Variants in APLP2 observed in about 807,000 individuals in gnomAD.
The protein encoded by APLP2 is amyloid beta precursor like protein 2.
A neutral mutation model predicts 89.9 loss-of-function variants in APLP2; 53 were observed. The ratio of observed to expected loss-of-function variants is 0.59; its 90% CI spans 0.47 to 0.74. APLP2 has a LOEUF of 0.74. Among genes scored for constraint, APLP2 ranks in the 30% least tolerant of loss-of-function variants. The pLI, the probability that APLP2 is intolerant of heterozygous loss-of-function variation, is 0.00. For synonymous variants in APLP2, 372 were observed against 348.6 expected (o/e 1.07, Z -0.75); for missense variants, 973 against 975.9 (o/e 1.00, Z 0.04).
intron 3 of APLP2, among the ~76,000 whole-genome samples, chr11:130,111,134 T>TTA (rs904786531): frequency 3.3e-5 from 5 of 152,246 alleles, no homozygotes; most frequent in African/African-American, 1.2e-4. Flanking sequence ...GGGCCAGGGC[T>TTA]TATAGGACCT....
rs547632803 is a variant in APLP2, at chr11:130,141,760, G to C, written c.1999-159G>C. The C allele has an allele frequency of 1.0e-6, 1 of 960,228 alleles. No individual in the cohort carries two copies. The highest frequency in any genetic ancestry group is 1.7e-5 in the South Asian group (1 of 59,070). 59.5% of individuals were successfully genotyped at this position (960,228 alleles called of 1,614,324 possible). ...TCCATGGAGATTGGGAAGAGTGGGCGTTCTCCACCTGTGGGTGGTTCCCTG... is the reference window on the plus strand; with the variant it reads ...TCCATGGAGATTGGGAAGAGTGGGCCTTCTCCACCTGTGGGTGGTTCCCTG... On this transcript the variant is annotated intron_variant, in intron 15 of 16. Transcript: ENST00000338167. The surrounding 1 kb of genome is among the most constrained non-coding windows in gnomAD (Gnocchi z 4.2).
At position 130,070,092 on chromosome 11, in the gene APLP2, G is replaced by A. The variant is rs761625861; in HGVS notation, c.105+10G>A. 4 of 1,412,432 alleles carry A rather than the reference G, an allele frequency of 2.8e-6. No individual in the cohort carries two copies. Among genetic ancestry groups the A allele is most frequent in the Admixed American group, 3.0e-5 (1 of 32,796 alleles). 87.5% of individuals were successfully genotyped at this position (1,412,432 alleles called of 1,614,324 possible). On this transcript the variant is annotated intron_variant, in intron 1 of 16. Transcript: ENST00000338167. ...GGCCGGCTACATCGAGGTGGGGACC[G>A]GGCGAACGCCGGAGAGTCGTCTCCT...
rs1017621845 is a variant in APLP2, at chr11:130,070,079, C to G, written c.102C>G (p.Ile34Met). The change falls in exon 1 of 17, where the codon ATC (isoleucine) becomes ATG (methionine). Residue 34 changes from isoleucine to methionine, a missense_variant. Physicochemically the swap from Ile to Met is conservative, Grantham distance 10 (BLOSUM62 1). Coordinates refer to ENST00000338167, the MANE Select transcript of APLP2 (RefSeq NM_001142276.2). Reference sequence around the variant, plus strand: ...CTGCCTTGGCGCTGGCCGGCTACATCGAGGTGGGGACCGGGCGAACGCCGG... The same window carrying G: ...CTGCCTTGGCGCTGGCCGGCTACATGGAGGTGGGGACCGGGCGAACGCCGG... ...TAPALALAGYIEALAANAGTG... is the reference protein window; with the variant it reads ...TAPALALAGYMEALAANAGTG... The G allele has an allele frequency of 3.2e-5, 47 of 1,468,588 alleles. No homozygotes were observed. Among genetic ancestry groups the G allele is most frequent in the Non-Finnish European group, 4.2e-5 (47 of 1,117,802 alleles). The allele number at this position is 1,468,588 out of a possible 1,614,324, so 91.0% of individuals were successfully genotyped here. A position where few individuals can be genotyped will look rare whatever the true frequency, so the allele number is the denominator to read the frequency against.
chr11:130,143,693 G>T lies in APLP2; in HGVS notation c.*245G>T. The T allele has an allele frequency of 2.5e-6, 1 of 396,946 alleles. No homozygotes were observed. Among genetic ancestry groups the T allele is most frequent in the South Asian group, 3.8e-5 (1 of 26,610 alleles). The allele number at this position is 396,946 out of a possible 1,614,324, so 24.6% of individuals were successfully genotyped here. On this transcript the variant is annotated 3_prime_UTR_variant, in exon 17 of 17. Transcript: ENST00000338167. ...TAAATGAAAAAAATGATCTATTGCA[G>T]ATATTTGATGTAGTTTTCTTTTTTA...
intron 6 of APLP2, among the ~76,000 whole-genome samples, chr11:130,122,769 G>A (rs954693288): frequency 1.3e-5 from 2 of 152,282 alleles, no homozygotes; most frequent in East Asian, 3.9e-4. Flanking sequence ...AACGTAGTCC[G>A]CCCTTCAGCA....
At chr11:130,092,525 G>C (rs1395115087) in intron 1 of APLP2, among the ~76,000 whole-genome samples, 4 of 144,356 alleles carry the variant, frequency 2.8e-5, no homozygotes, top group Admixed American at 1.4e-4. Context: ...CTGGAGACCG[G>C]CCCGGCCAAC....
chr11:130,118,579 A>C (rs545062404), intron 3 of APLP2, among the ~76,000 whole-genome samples: 39 of 152,344 alleles, frequency 2.6e-4, no homozygotes, highest in Non-Finnish European at 4.3e-4. Flanking sequence ...CAGCCTAGTT[A>C]ATTCAGAATA....
chr11:130,137,480 C>G (rs1951770626), intron 13 of APLP2, among the ~76,000 whole-genome samples: 1 of 152,190 alleles, frequency 6.6e-6, no homozygotes, highest in Admixed American at 6.5e-5. Context: ...CTCCAGCACT[C>G]TGAGGCCAGT....
intron 1 of APLP2, among the ~76,000 whole-genome samples, chr11:130,093,869 G>A (rs1037494329): frequency 3.3e-5 from 5 of 151,552 alleles, no homozygotes; most frequent in Non-Finnish European, 7.4e-5. Context: ...TCAGCCTCCC[G>A]CGTAGCTGGA....
intron 9 of APLP2, among the ~76,000 whole-genome samples, chr11:130,128,621 C>T (rs1950617821): frequency 6.6e-6 from 1 of 152,202 alleles, no homozygotes; most frequent in Non-Finnish European, 1.5e-5. Context: ...ATTACTTTTG[C>T]ACTAACCTAA....
intron 3 of APLP2, among the ~76,000 whole-genome samples, chr11:130,117,344 A>C (rs957915742): frequency 6.6e-6 from 1 of 152,222 alleles, no homozygotes; most frequent in Non-Finnish European, 1.5e-5. Context: ...GAAATATTAC[A>C]CCAAGCATCC....
In APLP2 at chr11:130,135,800, TGAGTTGGGA is replaced by T. The variant is rs1294649460; in HGVS notation, c.1837+88_1837+96del. 15 of 1,516,520 alleles carry T rather than the reference TGAGTTGGGA, an allele frequency of 9.9e-6. No homozygotes were observed. In the East Asian group the frequency reaches 3.2e-4, roughly 33 times the overall value. The allele number at this position is 1,516,520 out of a possible 1,614,324, so 93.9% of individuals were successfully genotyped here. On this transcript the variant is annotated intron_variant, in intron 13 of 16. Coordinates refer to ENST00000338167, the MANE Select transcript of APLP2 (RefSeq NM_001142276.2). ...GAAGTCAGTTTTTCGAAAACCAAAT[TGAGTTGGGA>T]GATGGTGTTCCTGCGAGAGTCAGGG...
chr11:130,083,634 C>T (rs1296773032), intron 1 of APLP2, among the ~76,000 whole-genome samples: 2 of 152,084 alleles, frequency 1.3e-5, no homozygotes, highest in Non-Finnish European at 2.9e-5. Context: ...CCAGGTTCAT[C>T]CATGTTGTTG....
chr11:130,078,457 A>C (rs1942521665), intron 1 of APLP2, among the ~76,000 whole-genome samples: 1 of 151,738 alleles, frequency 6.6e-6, no homozygotes, highest in South Asian at 2.1e-4. Context: ...CTTAATTTTA[A>C]TGTCTAATTT....
intron 13 of APLP2, among the ~76,000 whole-genome samples, chr11:130,136,415 C>A (rs901936046): frequency 1.3e-5 from 2 of 152,188 alleles, no homozygotes; most frequent in Non-Finnish European, 1.5e-5. Context: ...CTCACAGTAA[C>A]CCTCGCAGGT....
At chr11:130,122,192 G>A (rs540093384) in intron 5 of APLP2, 113 bp from the exon 6 acceptor site, 57 of 1,275,030 alleles carry the variant, frequency 4.5e-5, no homozygotes, top group African/African-American at 7.4e-5. Context: ...TGAAATGTGC[G>A]TTGAGCTTAT....
intron 3 of APLP2, among the ~76,000 whole-genome samples, chr11:130,113,082 A>C (rs1344185854): frequency 6.6e-6 from 1 of 152,166 alleles, no homozygotes; most frequent in Admixed American, 6.5e-5. Flanking sequence ...CGCACTTATC[A>C]CACTGTACCA....
At chr11:130,077,274 T>C (rs1942300083) in intron 1 of APLP2, among the ~76,000 whole-genome samples, 1 of 152,160 alleles carries the variant, frequency 6.6e-6, no homozygotes, top group African/African-American at 2.4e-5. Context: ...CAGAAGAGAA[T>C]GGCTGGAATG....
At chr11:130,099,667 A>G (rs1031342973) in intron 1 of APLP2, among the ~76,000 whole-genome samples, 1 of 152,348 alleles carries the variant, frequency 6.6e-6, no homozygotes, top group East Asian at 1.9e-4. Flanking sequence ...CATTAATGCA[A>G]CCTGCTTTCC....
Sources: gnomAD v4.1 joint callset for allele counts (sites outside exome capture counted in the v4.1 genomes callset) on GRCh38, gnomAD v4.1.1 for gene constraint, Gnocchi (gnomAD v3.1) non-coding constraint, MANE v1.5 for transcripts, NCBI Gene and HGNC (gene_info 2026-07-23, HGNC 2026-07-21) for gene names.